Variants in ZNF587 observed in about 807,000 individuals in gnomAD.
ZNF587 encodes the protein zinc finger protein zfp6.
ZNF587 carries 8 observed loss-of-function variants against 7.5 expected under a neutral mutation model. The observed-to-expected ratio is 1.06, with a 90% confidence interval of 0.62 to 1.92. The LOEUF (loss-of-function observed/expected upper bound fraction) is 1.92. Among genes scored for constraint, ZNF587 ranks in the 40% most tolerant of loss-of-function variants. The pLI is 0.00. For synonymous variants in ZNF587, 145 were observed against 237.8 expected, an observed-to-expected ratio of 0.61 and a Z score of 3.59; for missense variants, 468 against 692.8, an observed-to-expected ratio of 0.68 and a Z score of 3.64.
In ZNF587 at chr19:57,852,477, T is replaced by A. The variant is rs1335530115; in HGVS notation, c.33+2406T>A. The A allele has an allele frequency of 1.3e-5, 5 of 398,202 alleles. No individual in the cohort carries two copies. In the Admixed American group the frequency reaches 1.8e-4, roughly 14 times the overall value. 24.7% of individuals were successfully genotyped at this position (398,202 alleles called of 1,614,324 possible). On this transcript the variant is annotated intron_variant, in intron 1 of 2. Transcript: ENST00000339656. The stretch of plus-strand genomic sequence containing the variant: ...GTTAATGGATCAGATAAGTGGTAAA[T>A]CACATGGGTCTGGATTCAGGATTCA...
Position 57,862,099 on chromosome 19 carries a change from G to T in ZNF587, c.*1959G>T, listed in dbSNP as rs376053827. On this transcript the variant is annotated 3_prime_UTR_variant, in exon 3 of 3. Transcript: ENST00000339656. Reference sequence around the variant, plus strand: ...GAATACTTGGTTTTCAGTACCACAAGAACTATGAGCTGGTTATCCACTTCA... The same window carrying T: ...GAATACTTGGTTTTCAGTACCACAATAACTATGAGCTGGTTATCCACTTCA... The T allele has an allele frequency of 6.5e-3, 987 of 152,156 alleles. 8 individuals carry two copies. Among genetic ancestry groups the T allele is most frequent in the African/African-American group, 0.023 (953 of 41,512 alleles). 9.4% of individuals were successfully genotyped at this position (152,156 alleles called of 1,614,324 possible). A position where few individuals can be genotyped will look rare whatever the true frequency, so the allele number is the denominator to read the frequency against.
chr19:57,858,316 G>C lies in ZNF587; in HGVS notation c.164-260G>C, dbSNP rs576842708. 1.4e-4 allele frequency: 74 copies of C among 534,496 alleles called. 2 individuals carry two copies. In the South Asian group the frequency reaches 1.7e-3, roughly 12 times the overall value. 33.1% of individuals were successfully genotyped at this position (534,496 alleles called of 1,614,324 possible). On this transcript the variant is annotated intron_variant, in intron 2 of 2. Coordinates refer to ENST00000339656, the MANE Select transcript of ZNF587 (RefSeq NM_032828.4). Reference sequence around the variant, plus strand: ...TAATTTTTGTATTTTTAGTAGAGATGGGGTTTCACCATGTTGTTCATGCTG... The same window carrying C: ...TAATTTTTGTATTTTTAGTAGAGATCGGGTTTCACCATGTTGTTCATGCTG...
At chr19:57,858,307 A>G (rs2071391049) in intron 2 of ZNF587, 2 of 491,026 alleles carry the variant, frequency 4.1e-6, no homozygotes, top group Non-Finnish European at 3.5e-6. Context: ...TTGTATTTTT[A>G]GTAGAGATGG....
At position 57,862,914 on chromosome 19, in the gene ZNF587, G is replaced by A. The variant is rs577217366; in HGVS notation, c.*2774G>A. Reference sequence around the variant, plus strand: ...ACTGTAACAGCTTTATATTTGTGAAGTGAAGAACATGAAGACAGTTTCAAG... The same window carrying A: ...ACTGTAACAGCTTTATATTTGTGAAATGAAGAACATGAAGACAGTTTCAAG... On this transcript the variant is annotated 3_prime_UTR_variant, in exon 3 of 3. Transcript: ENST00000339656. 3.4e-4 allele frequency: 52 copies of A among 155,100 alleles called. 1 individual carries two copies. The South Asian group carries it at 9.3e-3, about 28-fold the overall frequency. 9.6% of individuals were successfully genotyped at this position (155,100 alleles called of 1,614,324 possible).
rs2071451228 is a variant in ZNF587, at chr19:57,862,782, G to A, written c.*2642G>A. 6.5e-6 allele frequency: 1 copy of A among 155,002 alleles called. No individual in the cohort carries two copies. The highest frequency in any genetic ancestry group is 1.5e-5 in the Non-Finnish European group (1 of 68,224). 9.6% of individuals were successfully genotyped at this position (155,002 alleles called of 1,614,324 possible). On this transcript the variant is annotated 3_prime_UTR_variant, in exon 3 of 3. Coordinates refer to ENST00000339656, the MANE Select transcript of ZNF587 (RefSeq NM_032828.4). ...ACATTCTGAGGGACCCGGAGGCAGG[G>A]TGCCACCTCCTCAACTTCCCTGAGG...
rs1251304171 is a variant in ZNF587, at chr19:57,861,931, G to A, written c.*1791G>A. ...ACTACAGGCATGTGCCATTATACCT[G>A]GCTAATTTTATTTATTTATTTTAGT... is the stretch of plus-strand genomic sequence containing the variant. On this transcript the variant is annotated 3_prime_UTR_variant, in exon 3 of 3. Coordinates refer to ENST00000339656, the MANE Select transcript of ZNF587 (RefSeq NM_032828.4). 1 of 151,722 alleles carries A rather than the reference G, an allele frequency of 6.6e-6. No individual in the cohort carries two copies. Among genetic ancestry groups the A allele is most frequent in the Non-Finnish European group, 1.5e-5 (1 of 67,954 alleles). 9.4% of individuals were successfully genotyped at this position (151,722 alleles called of 1,614,324 possible).
At chr19:57,858,457 T>A in intron 2 of ZNF587, 119 bp from the exon 3 acceptor site, 1 of 1,473,192 alleles carries the variant, frequency 6.8e-7, no homozygotes, top group Non-Finnish European at 9.0e-7. Context: ...GAAGCCAACA[T>A]TGTGTTCCTG....
At chr19:57,855,317 C>T (rs1006861326) in intron 1 of ZNF587, among the ~76,000 whole-genome samples, 1 of 152,086 alleles carries the variant, frequency 6.6e-6, no homozygotes, top group South Asian at 2.1e-4. Context: ...TGCACTCCAG[C>T]CTGGGTGGCA....
At chr19:57,853,505 G>C (rs542419891) in intron 1 of ZNF587, among the ~76,000 whole-genome samples, 17 of 152,142 alleles carry the variant, frequency 1.1e-4, no homozygotes, top group African/African-American at 4.1e-4. Flanking sequence ...TTTTCAGGGG[G>C]CAGAAAGGTG....
chr19:57,852,073 C>A (rs999040724), intron 1 of ZNF587: 41 of 340,822 alleles, frequency 1.2e-4, no homozygotes, highest in East Asian at 3.5e-4. Flanking sequence ...GAGGGTGTTC[C>A]ATTCCCTCAT....
At chr19:57,856,011 G>A in intron 1 of ZNF587, 93 bp from the exon 2 acceptor site, 1 of 1,565,204 alleles carries the variant, frequency 6.4e-7, no homozygotes, top group South Asian at 1.2e-5. Context: ...GGGGACCTTG[G>A]GAGGAGGATG....
At chr19:57,852,702 A>T (rs1236292250) in intron 1 of ZNF587, among the ~76,000 whole-genome samples, 1 of 151,728 alleles carries the variant, frequency 6.6e-6, no homozygotes, top group African/African-American at 2.4e-5. Context: ...TAATTTTTGT[A>T]TTTTTAGTAG....
chr19:57,860,389 C>G lies in ZNF587; in HGVS notation c.*249C>G, dbSNP rs1600125824. The G allele has an allele frequency of 1.6e-6, 1 of 608,832 alleles. No individual in the cohort carries two copies. The highest frequency in any genetic ancestry group is 1.9e-5 in the African/African-American group (1 of 53,930). The allele number at this position is 608,832 out of a possible 1,614,324, so 37.7% of individuals were successfully genotyped here. On this transcript the variant is annotated 3_prime_UTR_variant, in exon 3 of 3. Coordinates refer to ENST00000339656, the MANE Select transcript of ZNF587 (RefSeq NM_032828.4). ...GTTCATGCAATCCTCCTACCTCAGCCTCCTGAGTAGCTGGGATTATGAGTA... is the reference window on the plus strand; with the variant it reads ...GTTCATGCAATCCTCCTACCTCAGCGTCCTGAGTAGCTGGGATTATGAGTA...
Position 57,864,707 on chromosome 19 carries a change from G to C in ZNF587, c.*4567G>C, listed in dbSNP as rs1395117746. 1.3e-5 allele frequency: 2 copies of C among 152,048 alleles called. No homozygotes were observed. Among genetic ancestry groups the C allele is most frequent in the East Asian group, 3.9e-4 (2 of 5,192 alleles). The allele number at this position is 152,048 out of a possible 1,614,324, so 9.4% of individuals were successfully genotyped here. A position where few individuals can be genotyped will look rare whatever the true frequency, so the allele number is the denominator to read the frequency against. ...AACATAGGAGTTTCAATGATATCTA[G>C]AAGTTTAAAAGGGCTCGTTCAAACA... On this transcript the variant is annotated 3_prime_UTR_variant, in exon 3 of 3. Transcript: ENST00000339656.
At chr19:57,852,532 T>G (rs1301324074) in intron 1 of ZNF587, 2 of 395,176 alleles carry the variant, frequency 5.1e-6, no homozygotes, top group Admixed American at 4.4e-5. Flanking sequence ...TAGGTTTTCT[T>G]TTTTTTTTCT....
chr19:57,862,805 AG>A lies in ZNF587; in HGVS notation c.*2668del, dbSNP rs1410360791. Reference sequence around the variant, plus strand: ...GGGTGCCACCTCCTCAACTTCCCTGAGGGCTGCCTAGAATCTGTTTCCTCTC... The same window carrying A: ...GGGTGCCACCTCCTCAACTTCCCTGAGGCTGCCTAGAATCTGTTTCCTCTC... On this transcript the variant is annotated 3_prime_UTR_variant, in exon 3 of 3. Coordinates refer to ENST00000339656, the MANE Select transcript of ZNF587 (RefSeq NM_032828.4). 13 of 154,988 alleles carry A rather than the reference AG, an allele frequency of 8.4e-5. No homozygotes were observed. In the Admixed American group the frequency reaches 8.5e-4, roughly 10 times the overall value. The allele number at this position is 154,988 out of a possible 1,614,324, so 9.6% of individuals were successfully genotyped here. A position where few individuals can be genotyped will look rare whatever the true frequency, so the allele number is the denominator to read the frequency against.
In ZNF587 at chr19:57,861,257, G is replaced by C. The variant is rs1298190527; in HGVS notation, c.*1117G>C. The C allele has an allele frequency of 6.6e-6, 1 of 152,104 alleles. No individual in the cohort carries two copies. Among genetic ancestry groups the C allele is most frequent in the Non-Finnish European group, 1.5e-5 (1 of 67,998 alleles). 9.4% of individuals were successfully genotyped at this position (152,104 alleles called of 1,614,324 possible). ...AATTTCTGTTCTATCTTACCAAGAGGGAGTATGGTTAGTATTTGAAATTGT... is the reference window on the plus strand; with the variant it reads ...AATTTCTGTTCTATCTTACCAAGAGCGAGTATGGTTAGTATTTGAAATTGT... On this transcript the variant is annotated 3_prime_UTR_variant, in exon 3 of 3. Transcript: ENST00000339656.
chr19:57,865,043 T>C lies in ZNF587; in HGVS notation c.*4903T>C, dbSNP rs1256639620. ...TCTTGTCTTGAATTAATACAACTTT[T>C]GTTAATTCTCTTATGAAGTTAATCT... On this transcript the variant is annotated 3_prime_UTR_variant, in exon 3 of 3. Coordinates refer to ENST00000339656, the MANE Select transcript of ZNF587 (RefSeq NM_032828.4). The C allele has an allele frequency of 6.6e-6, 1 of 152,256 alleles. No individual in the cohort carries two copies. Among genetic ancestry groups the C allele is most frequent in the Non-Finnish European group, 1.5e-5 (1 of 68,046 alleles). 9.4% of individuals were successfully genotyped at this position (152,256 alleles called of 1,614,324 possible). A position where few individuals can be genotyped will look rare whatever the true frequency, so the allele number is the denominator to read the frequency against.
Position 57,860,208 on chromosome 19 carries a change from G to A in ZNF587, c.*68G>A. 1.2e-6 allele frequency: 2 copies of A among 1,612,608 alleles called. No individual in the cohort carries two copies. The highest frequency in any genetic ancestry group is 1.7e-6 in the Non-Finnish European group (2 of 1,178,990). ...CGTTAAACACAGGAGAGTTCATACT[G>A]GAGAAAGGCCTTATGAGTGCTGTCA... On this transcript the variant is annotated 3_prime_UTR_variant, in exon 3 of 3. Coordinates refer to ENST00000339656, the MANE Select transcript of ZNF587 (RefSeq NM_032828.4).
Sources: allele counts gnomAD v4.1 joint callset (sites outside exome capture counted in the v4.1 genomes callset), GRCh38; gene constraint gnomAD v4.1.1; transcripts MANE v1.5; gene names NCBI Gene and HGNC (gene_info 2026-07-23, HGNC 2026-07-21).